Variants in SYT9 observed in about 807,000 individuals in gnomAD.
The protein encoded by SYT9 is synaptotagmin-9.
SYT9 carries 22 observed loss-of-function variants against 48.4 expected under a neutral mutation model. That is an observed-to-expected ratio of 0.45 (90% CI 0.32 to 0.65). SYT9 has a LOEUF of 0.65. Among genes scored for constraint, SYT9 ranks in the 30% least tolerant of loss-of-function variants. The probability of loss-of-function intolerance (pLI) is 0.03; values close to 1 mark genes in which losing one functional copy is unlikely to be tolerated. For synonymous variants in SYT9, 265 were observed against 245.0 expected, an observed-to-expected ratio of 1.08 and a Z score of -0.76; for missense variants, 577 against 622.0, an observed-to-expected ratio of 0.93 and a Z score of 0.77.
chr11:7,424,659 GAAGA>G (rs1847420535), intron 6 of SYT9, among the ~76,000 whole-genome samples: 1 of 152,284 alleles, frequency 6.6e-6, no homozygotes, highest in Admixed American at 6.5e-5. Context: ...TTTTCTAAAA[GAAGA>G]AAGAGAATCC....
At chr11:7,347,225 T>G (rs1849815044) in intron 3 of SYT9, among the ~76,000 whole-genome samples, 1 of 134,196 alleles carries the variant, frequency 7.5e-6, no homozygotes, top group Non-Finnish European at 1.6e-5. Flanking sequence ...TCAAACCGTT[T>G]TCATCAAAAT....
At position 7,401,980 on chromosome 11, in the gene SYT9, A is replaced by G. The variant is rs140031693; in HGVS notation, c.1045-14062A>G. On this transcript the variant is annotated intron_variant, in intron 3 of 6. Coordinates refer to ENST00000318881, the MANE Select transcript of SYT9 (RefSeq NM_175733.4). ...TTTTTGAACATAAGCATTTACCGCT[A>G]TAGATTTCCTCATAAGCACTACTTT... 1.2e-4 allele frequency among the ~76,000 whole-genome samples: 18 copies of G among 152,038 alleles called. 1 individual carries two copies. The highest frequency in any genetic ancestry group is 2.6e-4 in the Admixed American group (4 of 15,268).
At chr11:7,270,944 G>C (rs756527669) in intron 1 of SYT9, among the ~76,000 whole-genome samples, 2 of 151,990 alleles carry the variant, frequency 1.3e-5, no homozygotes, top group Non-Finnish European at 2.9e-5. Context: ...AAATGTAAAA[G>C]TGAGAAAGAC....
intron 6 of SYT9, among the ~76,000 whole-genome samples, chr11:7,443,101 C>A (rs961603220): frequency 1.3e-5 from 2 of 152,190 alleles, no homozygotes; most frequent in African/African-American, 4.8e-5. Context: ...TTGTGGAAGT[C>A]TAGATTTGCT....
intron 1 of SYT9, among the ~76,000 whole-genome samples, chr11:7,255,278 G>T (rs1481131029): frequency 6.6e-6 from 1 of 152,168 alleles, no homozygotes; most frequent in East Asian, 1.9e-4. Context: ...TTCTAGAAAT[G>T]GTGACTTCAG....
intron 2 of SYT9, among the ~76,000 whole-genome samples, chr11:7,310,327 T>C (rs1589934293): frequency 6.7e-6 from 1 of 149,340 alleles, no homozygotes; most frequent in African/African-American, 2.5e-5. Flanking sequence ...AGAGACAGGG[T>C]TTTACTATGT....
chr11:7,330,521 A>G (rs901537497), intron 3 of SYT9, among the ~76,000 whole-genome samples: 4 of 152,182 alleles, frequency 2.6e-5, no homozygotes, highest in Middle Eastern at 3.2e-3. Context: ...ATTAAATGAG[A>G]AAAATCTAAT....
At chr11:7,387,552 C>G (rs2134055302) in intron 3 of SYT9, among the ~76,000 whole-genome samples, 1 of 152,160 alleles carries the variant, frequency 6.6e-6, no homozygotes, top group East Asian at 1.9e-4. Context: ...AACTTTGTAC[C>G]TTTTCCTTCT....
chr11:7,429,543 T>A (rs1179417450), intron 6 of SYT9, among the ~76,000 whole-genome samples: 1 of 152,236 alleles, frequency 6.6e-6, no homozygotes, highest in Non-Finnish European at 1.5e-5. Context: ...AACGTATATA[T>A]TCCCTTGGTT....
chr11:7,247,593 A>C, upstream of SYT9, among the ~76,000 whole-genome samples: 1 of 147,908 alleles, frequency 6.8e-6, no homozygotes, highest in Non-Finnish European at 1.5e-5. Context: ...ATATGTGTAT[A>C]TATACGTATA....
chr11:7,303,245 C>T lies in SYT9; in HGVS notation c.352C>T (p.Pro118Ser). ...EQENSEDFLD[P>S]PTPCPDSSMK... ...GGAGAACAGTGAGGACTTCCTAGAT[C>T]CTCCCACGCCCTGCCCTGACTCCTC... Residue 118 changes from proline (P) to serine (S), a missense_variant, in exon 2 of 7, where the codon CCT becomes TCT. Pro to Ser is a moderately conservative substitution (Grantham distance 74). Transcript: ENST00000318881. 1.2e-6 allele frequency: 2 copies of T among 1,614,084 alleles called. No homozygotes were observed. Among genetic ancestry groups the T allele is most frequent in the Non-Finnish European group, 1.7e-6 (2 of 1,180,010 alleles).
chr11:7,402,128 A>G (rs990888453), intron 3 of SYT9, among the ~76,000 whole-genome samples: 3 of 152,048 alleles, frequency 2.0e-5, no homozygotes, highest in Admixed American at 6.6e-5. Context: ...TTTAATTTCT[A>G]AATATCTGGA....
chr11:7,415,788 A>G (rs1015804008), intron 3 of SYT9, among the ~76,000 whole-genome samples: 8 of 152,178 alleles, frequency 5.3e-5, no homozygotes, highest in African/African-American at 1.4e-4. Context: ...GACTGGATAC[A>G]TGGTGGCAGA....
At chr11:7,265,001 G>T (rs1257924183) in intron 1 of SYT9, among the ~76,000 whole-genome samples, 1 of 152,066 alleles carries the variant, frequency 6.6e-6, no homozygotes, top group Non-Finnish European at 1.5e-5. Context: ...ACAGCAGCAG[G>T]CAGTAAACTA....
At chr11:7,265,137 T>A (rs1848154514) in intron 1 of SYT9, among the ~76,000 whole-genome samples, 1 of 151,944 alleles carries the variant, frequency 6.6e-6, no homozygotes, top group Non-Finnish European at 1.5e-5. Flanking sequence ...TGATTCCCAA[T>A]TTTTTTTGCA....
At chr11:7,413,190 C>T (rs927145819) in intron 3 of SYT9, among the ~76,000 whole-genome samples, 2 of 152,186 alleles carry the variant, frequency 1.3e-5, no homozygotes, top group South Asian at 2.1e-4. Flanking sequence ...ATGTGATTTG[C>T]TCATGCCTCA....
chr11:7,362,701 TCG>T (rs200472353), intron 3 of SYT9, among the ~76,000 whole-genome samples: 26 of 150,010 alleles, frequency 1.7e-4, no homozygotes, highest in African/African-American at 6.2e-4. Context: ...TTAGTACTTA[TCG>T]CATATATATA....
rs1254219892 is a variant in SYT9 at position 7,240,721 on chromosome 11, T to G, written c.49+1805T>G. ...TTTTTATATCTTAAAAATTAAGATG[T>G]ACTTTTGTTTTAATCAATGGAGGTT... On this transcript the variant is annotated intron_variant and NMD_transcript_variant, in intron 1 of 8. Coordinates refer to the SYT9 transcript ENST00000524820. Among the ~76,000 whole-genome samples the G allele has an allele frequency of 3.3e-5, 5 of 152,230 alleles. No homozygotes were observed. The East Asian group carries it at 9.6e-4, about 29-fold the overall frequency.
intron 1 of SYT9, among the ~76,000 whole-genome samples, chr11:7,281,364 G>C (rs1367639630): frequency 3.3e-5 from 5 of 152,164 alleles, no homozygotes; most frequent in African/African-American, 4.8e-5. Flanking sequence ...TGCATCAGTA[G>C]ATATTCTGAC....
Sources: gnomAD v4.1 joint callset for allele counts (sites outside exome capture counted in the v4.1 genomes callset) on GRCh38, gnomAD v4.1.1 for gene constraint, MANE v1.5 for transcripts, NCBI Gene and HGNC (gene_info 2026-07-23, HGNC 2026-07-21) for gene names.